The following ITSN2 variants were observed in gnomAD, a reference collection of about 807,000 sequenced individuals.
ITSN2 encodes intersectin-2.
A neutral mutation model predicts 243.7 loss-of-function variants in ITSN2; 156 were observed. The ratio of observed to expected loss-of-function variants is 0.64; its 90% CI spans 0.56 to 0.73. ITSN2 has a LOEUF of 0.73. ITSN2 is among the 30% of genes least tolerant of loss of function. The pLI is 0.00. For missense variants in ITSN2, 1,801 were observed against 1,996.1 expected, an observed-to-expected ratio of 0.90 and a Z score of 1.86; for synonymous variants, 703 against 699.9, an observed-to-expected ratio of 1.00 and a Z score of -0.07.
rs1047767235 is a variant in ITSN2, at chr2:24,210,689, G to C, written c.4257+91C>G. Reference sequence around the variant, plus strand: ...TGGTGAGTCCACGCAGGCTGCCTAAGGTGCAGACTGTCCACGTGAGGGAAG... The same window carrying C: ...TGGTGAGTCCACGCAGGCTGCCTAACGTGCAGACTGTCCACGTGAGGGAAG... On this transcript the variant is annotated intron_variant, in intron 34 of 39. Transcript: ENST00000355123. 11 of 1,219,752 alleles carry C rather than the reference G, an allele frequency of 9.0e-6. No individual in the cohort carries two copies. The African/African-American group carries it at 1.5e-4, about 17-fold the overall frequency. 75.6% of individuals were successfully genotyped at this position (1,219,752 alleles called of 1,614,324 possible).
intron 2 of ITSN2, among the ~76,000 whole-genome samples, chr2:24,317,090 A>G (rs181380665): frequency 6.6e-6 from 1 of 152,326 alleles, no homozygotes; most frequent in African/African-American, 2.4e-5. Flanking sequence ...TACGTTAAAA[A>G]GTGGCAGTGG....
intron 15 of ITSN2, among the ~76,000 whole-genome samples, chr2:24,289,570 A>G (rs1470817696): frequency 6.6e-6 from 1 of 152,162 alleles, no homozygotes; most frequent in Non-Finnish European, 1.5e-5. Flanking sequence ...TACTACTTTT[A>G]CAATTTGAAT....
chr2:24,285,761 C>T (rs1416415629), intron 16 of ITSN2, among the ~76,000 whole-genome samples: 7 of 152,208 alleles, frequency 4.6e-5, no homozygotes. Context: ...TTCTAGATTT[C>T]ACTGATTATT....
At chr2:24,258,240 T>C (rs1021009453) in intron 22 of ITSN2, 147 bp from the exon 23 acceptor site, 8 of 622,932 alleles carry the variant, frequency 1.3e-5, no homozygotes, top group African/African-American at 5.5e-5. Flanking sequence ...TAACTGACTT[T>C]AAATTATACA....
intron 29 of ITSN2, chr2:24,239,441 T>G (rs1411834740): frequency 6.6e-6 from 1 of 152,052 alleles, no homozygotes; most frequent in Non-Finnish European, 1.5e-5. Flanking sequence ...GAAACTATAT[T>G]ATGGATAGGG....
rs1216391533 is a variant in ITSN2, at chr2:24,310,746, C to G, written c.353-54G>C. 11 of 1,473,468 alleles carry G rather than the reference C, an allele frequency of 7.5e-6. No homozygotes were observed. The African/African-American group carries it at 1.3e-4, about 17-fold the overall frequency. 91.3% of individuals were successfully genotyped at this position (1,473,468 alleles called of 1,614,324 possible). The stretch of plus-strand genomic sequence containing the variant: ...GTGCTAGAAAATCAATTATAAAACA[C>G]ATGCAAAAAACAAGTTTACAGTACA... On this transcript the variant is annotated intron_variant, in intron 5 of 39. Transcript: ENST00000355123.
chr2:24,260,970 C>A, intron 22 of ITSN2, 136 bp downstream of exon 22: 1 of 640,548 alleles, frequency 1.6e-6, no homozygotes, highest in Non-Finnish European at 2.5e-6. Flanking sequence ...CTTCACATCA[C>A]ATGTGAATAA....
At chr2:24,345,374 C>G (rs7582769) in intron 1 of ITSN2, among the ~76,000 whole-genome samples, 125,644 of 152,170 alleles carry the variant, frequency 0.83, 52,794 homozygotes, top group Non-Finnish European at 0.9. Flanking sequence ...CTCACAGTAC[C>G]ATCTCCAAGA....
intron 37 of ITSN2, among the ~76,000 whole-genome samples, chr2:24,207,160 T>C (rs1252193563): frequency 6.6e-6 from 1 of 151,940 alleles, no homozygotes; most frequent in Non-Finnish European, 1.5e-5. Flanking sequence ...AGAGCAGCTC[T>C]GGAAAAAAGA....
At chr2:24,280,677 T>G (rs768877220) in intron 17 of ITSN2, among the ~76,000 whole-genome samples, 2 of 152,196 alleles carry the variant, frequency 1.3e-5, no homozygotes, top group African/African-American at 4.8e-5. Context: ...AGATGGTTAT[T>G]TCCCCCTCAC....
chr2:24,268,657 CTT>C (rs1224942664), intron 20 of ITSN2, among the ~76,000 whole-genome samples: 1 of 151,902 alleles, frequency 6.6e-6, no homozygotes, highest in Non-Finnish European at 1.5e-5. Flanking sequence ...AAAAAACAAT[CTT>C]TATCAGTTAT....
Position 24,301,155 on chromosome 2 carries a change from TG to T in ITSN2, c.1079del (p.Pro360GlnfsTer26). 1 of 1,572,438 alleles carries T rather than the reference TG, an allele frequency of 6.4e-7. No homozygotes were observed. Among genetic ancestry groups the T allele is most frequent in the Non-Finnish European group, 8.7e-7 (1 of 1,145,126 alleles). The part of the protein sequence containing the change: ...MQEEEPQKKL[P>X]VTFEDKRKAN... Reference sequence around the variant, plus strand: ...TACAACTTTGACACTCAGTGATACCTGGTAATTTCTTCTGAGGCTCCTCTTC... The same window carrying T: ...TACAACTTTGACACTCAGTGATACCTGTAATTTCTTCTGAGGCTCCTCTTC... On this transcript the variant is annotated frameshift_variant and splice_region_variant, in exon 11 of 40. Transcript: ENST00000355123. LOFTEE classifies it high-confidence loss of function.
At chr2:24,210,630 A>AAAG (rs1558428132) in intron 34 of ITSN2, 150 bp downstream of exon 34, 23 of 628,906 alleles carry the variant, frequency 3.7e-5, no homozygotes, top group South Asian at 7.8e-5. Context: ...AAAAAAAAAA[A>AAAG]AAAAGAAAAA....
At position 24,219,116 on chromosome 2, in the gene ITSN2, T is replaced by G. The variant is rs1183078880; in HGVS notation, c.3700-1103A>C. ...TTTCCTCCTCCTGGAGTAGCAAACT[T>G]GTCCTTGTCCAAAACATAACTGGGA... On this transcript the variant is annotated intron_variant, in intron 30 of 39. Coordinates refer to ENST00000355123, the MANE Select transcript of ITSN2 (RefSeq NM_006277.3). 2.0e-5 allele frequency among the ~76,000 whole-genome samples: 3 copies of G among 152,190 alleles called. No homozygotes were observed. In the East Asian group the frequency reaches 5.8e-4, roughly 29 times the overall value.
chr2:24,256,177 T>C (rs572700232), intron 23 of ITSN2, among the ~76,000 whole-genome samples: 4 of 152,216 alleles, frequency 2.6e-5, no homozygotes, highest in African/African-American at 7.2e-5. Flanking sequence ...TGAGCCATGA[T>C]TGCGCCACTG....
rs1405859282 is a variant in ITSN2 at position 24,256,316 on chromosome 2, G to T, written c.2888+1572C>A. Among the ~76,000 whole-genome samples, 5 of 152,324 alleles carry T rather than the reference G, an allele frequency of 3.3e-5. No homozygotes were observed. In the East Asian group the frequency reaches 9.6e-4, roughly 29 times the overall value. ...TACCTTCCAGAAACACAGAAACTCAGCAGTGAAAGGGTCTTTAAAGATTAT... is the reference window on the plus strand; with the variant it reads ...TACCTTCCAGAAACACAGAAACTCATCAGTGAAAGGGTCTTTAAAGATTAT... On this transcript the variant is annotated intron_variant, in intron 23 of 39. Coordinates refer to ENST00000355123, the MANE Select transcript of ITSN2 (RefSeq NM_006277.3).
At chr2:24,236,835 G>GATAT (rs759555957) in intron 29 of ITSN2, among the ~76,000 whole-genome samples, 3 of 150,974 alleles carry the variant, frequency 2.0e-5, no homozygotes, top group African/African-American at 7.3e-5. Context: ...ACCACTCCCA[G>GATAT]CTATCTATCT....
intron 1 of ITSN2, among the ~76,000 whole-genome samples, chr2:24,355,976 G>A (rs1252950209): frequency 6.6e-6 from 1 of 152,144 alleles, no homozygotes; most frequent in Non-Finnish European, 1.5e-5. Flanking sequence ...GCCGAGGCGG[G>A]TGGATCACCT....
At chr2:24,327,594 G>A (rs921650210) in intron 2 of ITSN2, among the ~76,000 whole-genome samples, 15 of 151,842 alleles carry the variant, frequency 9.9e-5, no homozygotes, top group African/African-American at 2.9e-4. Context: ...CACCACACCC[G>A]GCCAGCACTT....
Sources: allele counts gnomAD v4.1 joint callset (sites outside exome capture counted in the v4.1 genomes callset), GRCh38; gene constraint gnomAD v4.1.1; transcripts MANE v1.5; gene names NCBI Gene and HGNC (gene_info 2026-07-23, HGNC 2026-07-21).